Variants in FAM83B observed in about 807,000 individuals in gnomAD.
The protein encoded by FAM83B is protein FAM83B.
Under a neutral mutation model 38.8 loss-of-function variants are expected in FAM83B, and 26 were observed. That is an observed-to-expected ratio of 0.67 (90% confidence interval 0.49 to 0.93). The LOEUF (loss-of-function observed/expected upper bound fraction) is 0.93, where lower values mean the gene tolerates loss of function less well. Ranked by LOEUF, FAM83B falls within the 40% of genes least tolerant of loss-of-function variation. The pLI, the probability that FAM83B is intolerant of heterozygous loss-of-function variation, is 0.00. For synonymous variants in FAM83B, 419 were observed against 423.1 expected (o/e 0.99, Z 0.12); for missense variants, 1,237 against 1,197.3 (o/e 1.03, Z -0.49).
At chr6:54,925,190 T>C (rs781042232) in intron 2 of FAM83B, among the ~76,000 whole-genome samples, 11 of 152,168 alleles carry the variant, frequency 7.2e-5, no homozygotes, top group Admixed American at 2.0e-4. Context: ...GGACACTGTC[T>C]CAGAGAGACC....
chr6:54,928,043 T>C (rs1484906047), intron 4 of FAM83B, among the ~76,000 whole-genome samples: 1 of 152,224 alleles, frequency 6.6e-6, no homozygotes, highest in African/African-American at 2.4e-5. Context: ...TTATTTTGTA[T>C]TCTTAAGAAT....
rs749492888 is a variant in FAM83B, at chr6:54,942,052, G to T, written c.*45G>T. The stretch of plus-strand genomic sequence containing the variant: ...ATGAGGCTATCAATATTTGTCCAAA[G>T]AAAATTGTGGACAGTCTTTGTAACA... On this transcript the variant is annotated 3_prime_UTR_variant, in exon 5 of 5. Coordinates refer to ENST00000306858, the MANE Select transcript of FAM83B (RefSeq NM_001010872.3). The T allele has an allele frequency of 6.5e-6, 10 of 1,535,470 alleles. No individual in the cohort carries two copies. Among genetic ancestry groups the T allele is most frequent in the Non-Finnish European group, 8.8e-6 (10 of 1,141,462 alleles).
At chr6:54,856,662 T>C (rs1771453671) in intron 1 of FAM83B, among the ~76,000 whole-genome samples, 1 of 152,198 alleles carries the variant, frequency 6.6e-6, no homozygotes, top group Admixed American at 6.5e-5. Context: ...AAAAAGGTTA[T>C]TTTGAAAAGA....
chr6:54,940,093 G>T lies in FAM83B; in HGVS notation c.1122G>T (p.Gln374His), dbSNP rs1372686017. The change falls in exon 5 of 5, where the codon CAG (glutamine) becomes CAT (histidine). Residue 374 changes from glutamine (Q) to histidine (H), a missense_variant. Gln to His is a conservative substitution (Grantham distance 24, BLOSUM62 0). Transcript: ENST00000306858. The part of the protein sequence containing the change: ...PNFNGPNAIR[Q>H]FQPNQINENW... ...TTAATGGTCCAAACGCAATACGTCA[G>T]TTTCAACCCAATCAGATAAATGAAA... 2 of 1,613,920 alleles carry T rather than the reference G, an allele frequency of 1.2e-6. No homozygotes were observed. The highest frequency in any genetic ancestry group is 2.7e-5 in the African/African-American group (2 of 74,906).
chr6:54,921,494 CCTGGGGTAGCGTT>C (rs1773168389), intron 2 of FAM83B, among the ~76,000 whole-genome samples: 1 of 151,802 alleles, frequency 6.6e-6, no homozygotes, highest in African/African-American at 2.4e-5. Flanking sequence ...TTAAAAATGA[CCTGGGGTAGCGTT>C]CTGAAAGTTT....
chr6:54,851,077 G>C (rs1561901802), intron 1 of FAM83B, among the ~76,000 whole-genome samples: 2 of 144,326 alleles, frequency 1.4e-5, no homozygotes, highest in Non-Finnish European at 3.0e-5. Context: ...TGACTTATTT[G>C]TTTAAAGATG....
chr6:54,931,856 G>A (rs1773425881), intron 4 of FAM83B, among the ~76,000 whole-genome samples: 1 of 151,358 alleles, frequency 6.6e-6, no homozygotes, highest in Admixed American at 6.6e-5. Context: ...CATATGTCTT[G>A]TAACTTCTTT....
chr6:54,890,045 A>C (rs576169766), intron 2 of FAM83B, among the ~76,000 whole-genome samples: 1 of 152,242 alleles, frequency 6.6e-6, no homozygotes, highest in Non-Finnish European at 1.5e-5. Context: ...TGAAAAGAAC[A>C]GCCATAAATA....
At chr6:54,864,293 G>A (rs1472296202) in intron 1 of FAM83B, among the ~76,000 whole-genome samples, 1 of 152,050 alleles carries the variant, frequency 6.6e-6, no homozygotes, top group African/African-American at 2.4e-5. Flanking sequence ...AGTAAATTGA[G>A]GAAATTAAAG....
intron 2 of FAM83B, among the ~76,000 whole-genome samples, chr6:54,905,831 C>T (rs1772765866): frequency 6.6e-6 from 1 of 151,690 alleles, no homozygotes; most frequent in Non-Finnish European, 1.5e-5. Context: ...AAGGAAATTG[C>T]TTCCTTTATA....
At chr6:54,937,178 C>T (rs1016147180) in intron 4 of FAM83B, among the ~76,000 whole-genome samples, 1 of 151,500 alleles carries the variant, frequency 6.6e-6, no homozygotes, top group African/African-American at 2.4e-5. Flanking sequence ...GTGTCATATA[C>T]ATTACTTTAT....
chr6:54,853,098 G>A (rs1464906958), intron 1 of FAM83B, among the ~76,000 whole-genome samples: 1 of 152,192 alleles, frequency 6.6e-6, no homozygotes, highest in Non-Finnish European at 1.5e-5. Context: ...TCCAGAGCAA[G>A]ACCTTAACTC....
chr6:54,920,207 A>G (rs1479697889), intron 2 of FAM83B, among the ~76,000 whole-genome samples: 1 of 151,658 alleles, frequency 6.6e-6, no homozygotes, highest in Admixed American at 6.6e-5. Flanking sequence ...ATTGTTTTTG[A>G]CAGGGTTTAC....
intron 2 of FAM83B, among the ~76,000 whole-genome samples, chr6:54,915,781 C>G (rs1773021479): frequency 1.2e-5 from 1 of 83,682 alleles, no homozygotes; most frequent in Admixed American, 1.0e-4. Context: ...AGTCCGCAGT[C>G]CGGCCTGGGC....
At chr6:54,904,617 A>G (rs979677995) in intron 2 of FAM83B, among the ~76,000 whole-genome samples, 1 of 152,220 alleles carries the variant, frequency 6.6e-6, no homozygotes, top group Non-Finnish European at 1.5e-5. Context: ...AGTCATTACT[A>G]TTCATTCCAT....
chr6:54,885,738 G>A (rs79949411), intron 2 of FAM83B, among the ~76,000 whole-genome samples: 3,242 of 149,052 alleles, frequency 0.022, 127 homozygotes, highest in African/African-American at 0.074. Flanking sequence ...AACACCGCAC[G>A]TTCTCACTCA....
At chr6:54,848,413 T>C (rs1771192175) in intron 1 of FAM83B, among the ~76,000 whole-genome samples, 1 of 152,112 alleles carries the variant, frequency 6.6e-6, no homozygotes, top group Non-Finnish European at 1.5e-5. Context: ...ATGCTGAGAA[T>C]TTATTGTGGG....
chr6:54,873,348 C>T (rs62412657), intron 2 of FAM83B, among the ~76,000 whole-genome samples: 3,184 of 152,024 alleles, frequency 0.021, 45 homozygotes, highest in Middle Eastern at 0.062. Context: ...AGTTATTGAC[C>T]CCATTTTTAA....
intron 1 of FAM83B, among the ~76,000 whole-genome samples, chr6:54,862,893 A>G (rs1244392421): frequency 2.6e-5 from 4 of 152,032 alleles, no homozygotes; most frequent in Admixed American, 6.5e-5. Context: ...AAACCACGAA[A>G]AAAAAAATCC....
Sources: allele counts gnomAD v4.1 joint callset (sites outside exome capture counted in the v4.1 genomes callset), GRCh38; gene constraint gnomAD v4.1.1; transcripts MANE v1.5; gene names NCBI Gene and HGNC (gene_info 2026-07-23, HGNC 2026-07-21).